Variants in CDH23 observed in about 807,000 individuals in gnomAD.
CDH23 encodes the protein cadherin related 23.
Under a neutral mutation model 317.1 loss-of-function variants are expected in CDH23, and 189 were observed. The ratio of observed to expected loss-of-function variants is 0.60; its 90% confidence interval spans 0.53 to 0.67. The LOEUF (loss-of-function observed/expected upper bound fraction) is 0.67. Among genes scored for constraint, CDH23 ranks in the 30% least tolerant of loss-of-function variants. The probability of loss-of-function intolerance (pLI) is 0.00; values close to 1 mark genes in which losing one functional copy is unlikely to be tolerated. For missense variants in CDH23, 4,401 were observed against 4,592.4 expected (o/e 0.96, Z 1.20); for synonymous variants, 1,839 against 1,876.8 (o/e 0.98, Z 0.52).
At chr10:71,528,550 G>A (rs997441316) in intron 6 of CDH23, among the ~76,000 whole-genome samples, 44 of 152,236 alleles carry the variant, frequency 2.9e-4, no homozygotes, top group African/African-American at 1.0e-3. Context: ...AAGCCTCATC[G>A]GAGCGTTATG....
intron 3 of CDH23, among the ~76,000 whole-genome samples, chr10:71,464,725 G>A (rs1161849300): frequency 6.6e-6 from 1 of 152,222 alleles, no homozygotes; most frequent in African/African-American, 2.4e-5. Flanking sequence ...ATGACTGATT[G>A]TTGGCCCAGC....
intron 28 of CDH23, chr10:71,716,621 C>T (rs575023100): frequency 4.2e-5 from 15 of 353,576 alleles, no homozygotes; most frequent in Admixed American, 1.8e-4. Flanking sequence ...GTGGCCTGTC[C>T]GCATTTTCAA....
chr10:71,724,126 A>T (rs1157792994), intron 29 of CDH23, 21 bp downstream of exon 29: 5 of 1,552,870 alleles, frequency 3.2e-6, no homozygotes, highest in Non-Finnish European at 4.4e-6. Flanking sequence ...CTGCCCTAGG[A>T]TGGGGGGCGG....
At chr10:71,689,202 G>GA (rs1491475447) in intron 19 of CDH23, among the ~76,000 whole-genome samples, 1 of 148,764 alleles carries the variant, frequency 6.7e-6, no homozygotes, top group Non-Finnish European at 1.5e-5. Flanking sequence ...TGGAGCCAGG[G>GA]TTGGTGGAGT....
chr10:71,795,061 G>T (rs921741111), intron 48 of CDH23, among the ~76,000 whole-genome samples: 2 of 152,102 alleles, frequency 1.3e-5, no homozygotes, highest in Non-Finnish European at 1.5e-5. Flanking sequence ...AATGGGATGA[G>T]ATATATGCCA....
intron 11 of CDH23, among the ~76,000 whole-genome samples, chr10:71,628,099 C>T (rs938811194): frequency 2.6e-5 from 4 of 152,196 alleles, no homozygotes; most frequent in Non-Finnish European, 5.9e-5. Context: ...AACAAGGCTG[C>T]AGTAAGCACA....
intron 6 of CDH23, among the ~76,000 whole-genome samples, chr10:71,535,524 G>A (rs1855652155): frequency 1.3e-5 from 2 of 152,214 alleles, no homozygotes; most frequent in South Asian, 4.1e-4. Context: ...TCATGGTGAG[G>A]CCACTCAGGG....
intron 2 of CDH23, among the ~76,000 whole-genome samples, chr10:71,443,946 T>C (rs946874): frequency 0.98 from 148,930 of 152,390 alleles, 72,803 homozygotes; most frequent in East Asian, 1. Context: ...GAGCTCCCAG[T>C]GACTGATTAG....
chr10:71,589,058 A>G (rs1859281609), intron 9 of CDH23, among the ~76,000 whole-genome samples: 1 of 152,144 alleles, frequency 6.6e-6, no homozygotes, highest in Admixed American at 6.5e-5. Context: ...CTACAGGGCC[A>G]GGAAAGGCCA....
intron 3 of CDH23, among the ~76,000 whole-genome samples, chr10:71,486,584 C>G (rs955148795): frequency 6.6e-6 from 1 of 152,144 alleles, no homozygotes; most frequent in African/African-American, 2.4e-5. Flanking sequence ...TCATCTTACA[C>G]CAGACCTCCA....
At chr10:71,701,920 C>A in intron 22 of CDH23, 102 bp from the exon 23 acceptor site, 1 of 1,252,930 alleles carries the variant, frequency 8.0e-7, no homozygotes. Flanking sequence ...GCCAGGATGT[C>A]CCCTCCCCAG....
chr10:71,711,990 T>C (rs1589360817), intron 27 of CDH23: 1 of 152,344 alleles, frequency 6.6e-6, no homozygotes, highest in South Asian at 2.1e-4. Context: ...TCTCTCCTGG[T>C]TCTCAAGGCC....
intron 20 of CDH23, 109 bp downstream of exon 20, chr10:71,690,693 G>T: frequency 1.4e-6 from 1 of 719,092 alleles, no homozygotes; most frequent in South Asian, 1.6e-5. Flanking sequence ...TTTCAGTTTT[G>T]AGCAGACCAG....
At position 71,439,578 on chromosome 10, in the gene CDH23, T is replaced by C. The variant is rs1317969650; in HGVS notation, c.-5-249T>C. ...CCCCAGGAGGGCAAAGAGGACCCAA[T>C]AGGCCCCAGCCTCACCCAGTGACTC... On this transcript the variant is annotated intron_variant, in intron 1 of 69. Transcript: ENST00000224721. 2.6e-5 allele frequency among the ~76,000 whole-genome samples: 4 copies of C among 152,216 alleles called. No individual in the cohort carries two copies. In the South Asian group the frequency reaches 6.2e-4, roughly 24 times the overall value.
At chr10:71,718,128 T>G (rs1339030923) in intron 28 of CDH23, among the ~76,000 whole-genome samples, 1 of 152,194 alleles carries the variant, frequency 6.6e-6, no homozygotes, top group African/African-American at 2.4e-5. Context: ...CTTCCCAGCT[T>G]GCAGCTTAGA....
chr10:71,651,603 G>A (rs916895053), intron 14 of CDH23, among the ~76,000 whole-genome samples: 22 of 150,610 alleles, frequency 1.5e-4, no homozygotes, highest in East Asian at 1.9e-4. Context: ...CAAAGGCCCC[G>A]TGGCTGGAGT....
intron 1 of CDH23, among the ~76,000 whole-genome samples, chr10:71,421,002 G>A (rs967761531): frequency 6.6e-6 from 1 of 152,166 alleles, no homozygotes; most frequent in Non-Finnish European, 1.5e-5. Context: ...AAATAGCTTT[G>A]TTCCTTTCCC....
chr10:71,736,297 G>T (rs889807087), intron 34 of CDH23, among the ~76,000 whole-genome samples: 2 of 151,450 alleles, frequency 1.3e-5, no homozygotes, highest in East Asian at 3.9e-4. Context: ...CCCAAACACT[G>T]TTTGAGGTGC....
At position 71,807,646 on chromosome 10, in the gene CDH23, T is replaced by C. The variant is rs1404208207; in HGVS notation, c.8439T>C (p.Pro2813=). The change falls in exon 59 of 70, where the codon CCT becomes CCC. Residue 2813 remains proline, a synonymous_variant. Coordinates refer to ENST00000224721, the MANE Select transcript of CDH23 (RefSeq NM_022124.6). ...VKASSNRSWT[P]PRGPSPTLDL... The stretch of plus-strand genomic sequence containing the variant: ...CCTCCAGCAATCGCAGCTGGACACC[T>C]CCCCGTGGACCCTCCCCAACCCTCG... 1.2e-6 allele frequency: 2 copies of C among 1,613,876 alleles called. No homozygotes were observed. The highest frequency in any genetic ancestry group is 1.7e-6 in the Non-Finnish European group (2 of 1,179,848).
Sources: allele counts gnomAD v4.1 joint callset (sites outside exome capture counted in the v4.1 genomes callset), GRCh38; gene constraint gnomAD v4.1.1; transcripts MANE v1.5; gene names NCBI Gene and HGNC (gene_info 2026-07-23, HGNC 2026-07-21).